SLC44A1: variants seen among roughly 807,000 people sequenced by gnomAD.
SLC44A1 encodes the protein solute carrier family 44 member 1, also known as choline transporter-like protein 1.
Under a neutral mutation model 79.3 loss-of-function variants are expected in SLC44A1, and 26 were observed. The observed-to-expected ratio is 0.33, with a 90% confidence interval of 0.24 to 0.46. The LOEUF is 0.46. Ranked by LOEUF, SLC44A1 falls within the 20% of genes least tolerant of loss-of-function variation. SLC44A1 has a pLI of 1.00. For missense variants in SLC44A1, 688 were observed against 798.1 expected (o/e 0.86, Z 1.66); for synonymous variants, 263 against 286.2 (o/e 0.92, Z 0.82).
chr9:105,344,909 T>G (rs1430245385), intron 4 of SLC44A1, among the ~76,000 whole-genome samples: 1 of 152,224 alleles, frequency 6.6e-6, no homozygotes, highest in Non-Finnish European at 1.5e-5. Flanking sequence ...GTAGAAATTC[T>G]GCTCAGACGT....
At chr9:105,434,292 G>A (rs934830431) in intron 15 of SLC44A1, among the ~76,000 whole-genome samples, 1 of 151,952 alleles carries the variant, frequency 6.6e-6, no homozygotes, top group South Asian at 2.1e-4. Flanking sequence ...AGTGAGCCGA[G>A]ACTGCACCAC....
chr9:105,300,454 C>T (rs1830848795), intron 2 of SLC44A1, among the ~76,000 whole-genome samples: 1 of 152,110 alleles, frequency 6.6e-6, no homozygotes, highest in South Asian at 2.1e-4. Context: ...TCTGACTGCC[C>T]ACCAGGCCAG....
chr9:105,402,975 CTTTTTTT>C (rs780060821), intron 15 of SLC44A1, among the ~76,000 whole-genome samples: 19 of 66,378 alleles, frequency 2.9e-4, no homozygotes, highest in Admixed American at 4.0e-4. Flanking sequence ...TCACACCCAG[CTTTTTTT>C]TTTTTTTTTT....
chr9:105,251,717 C>A (rs1261604475), intron 1 of SLC44A1, among the ~76,000 whole-genome samples: 2 of 152,104 alleles, frequency 1.3e-5, no homozygotes, highest in Admixed American at 1.3e-4. Flanking sequence ...ATATGTGGTT[C>A]ACTTGTCTAG....
At chr9:105,282,960 A>G (rs1358504577) in intron 1 of SLC44A1, among the ~76,000 whole-genome samples, 2 of 152,198 alleles carry the variant, frequency 1.3e-5, no homozygotes, top group Admixed American at 1.3e-4. Context: ...GGTCATACTT[A>G]GGGGTAGCTG....
rs569628009 is a variant in SLC44A1 at position 105,433,515 on chromosome 9, A to C, written c.1951-4766A>C. 1.6e-3 allele frequency among the ~76,000 whole-genome samples: 249 copies of C among 152,246 alleles called. 2 individuals carry two copies. Among genetic ancestry groups the C allele is most frequent in the African/African-American group, 5.8e-3 (240 of 41,548 alleles). ...GCAGACAGAAAGGTATTCTCTGAAG[A>C]AGTTAAGACAGATCTTAAGGGAGGA... On this transcript the variant is annotated intron_variant, in intron 15 of 15. Coordinates refer to the SLC44A1 transcript ENST00000374724.
intron 5 of SLC44A1, among the ~76,000 whole-genome samples, chr9:105,353,655 A>G (rs967169987): frequency 1.3e-5 from 2 of 152,222 alleles, no homozygotes; most frequent in African/African-American, 4.8e-5. Context: ...CCTAGCAGGA[A>G]AAAGAAAACA....
intron 5 of SLC44A1, among the ~76,000 whole-genome samples, chr9:105,350,709 A>C (rs1357551137): frequency 6.6e-6 from 1 of 152,198 alleles, no homozygotes; most frequent in Non-Finnish European, 1.5e-5. Flanking sequence ...TCATGTGTGA[A>C]GTGGGAATAG....
chr9:105,293,298 T>C (rs556514902), intron 1 of SLC44A1, among the ~76,000 whole-genome samples: 1 of 152,356 alleles, frequency 6.6e-6, no homozygotes. Context: ...TTGTATTACT[T>C]ATAAGAATTT....
At chr9:105,252,776 G>T (rs538428103) in intron 1 of SLC44A1, among the ~76,000 whole-genome samples, 1 of 152,350 alleles carries the variant, frequency 6.6e-6, no homozygotes, top group Non-Finnish European at 1.5e-5. Flanking sequence ...ACTCTGTGAA[G>T]ATGGTTAAAG....
Position 105,393,798 on chromosome 9 carries a change from C to G in SLC44A1, c.*4742C>G, listed in dbSNP as rs1327187056. The G allele has an allele frequency of 3.1e-5, 31 of 984,948 alleles. No individual in the cohort carries two copies. The highest frequency in any genetic ancestry group is 3.5e-5 in the African/African-American group (2 of 57,196). The allele number at this position is 984,948 out of a possible 1,614,324, so 61.0% of individuals were successfully genotyped here. ...GTGAGATTGTTCGAGACCTATTAGG[C>G]TATTCTTCAGTTTTGATGCTCAGTT... On this transcript the variant is annotated 3_prime_UTR_variant, in exon 16 of 16. Transcript: ENST00000374720.
intron 2 of SLC44A1, chr9:105,299,693 A>G: frequency 1.5e-6 from 1 of 673,574 alleles, no homozygotes; most frequent in Non-Finnish European, 1.8e-6. Context: ...AGTTCTTCCT[A>G]GATGGGAGGC....
At chr9:105,403,120 C>T (rs34350840) in intron 15 of SLC44A1, among the ~76,000 whole-genome samples, 9,219 of 151,476 alleles carry the variant, frequency 0.061, 548 homozygotes, top group African/African-American at 0.16. Context: ...ATGCCCAGCC[C>T]GAAAAGATTA....
chr9:105,377,987 C>T (rs1217610629), intron 13 of SLC44A1, among the ~76,000 whole-genome samples: 1 of 152,154 alleles, frequency 6.6e-6, no homozygotes, highest in Non-Finnish European at 1.5e-5. Context: ...GTGGCTCACG[C>T]CCATAATCCC....
At chr9:105,262,761 C>T (rs1223255020) in intron 1 of SLC44A1, among the ~76,000 whole-genome samples, 4 of 152,168 alleles carry the variant, frequency 2.6e-5, no homozygotes, top group Non-Finnish European at 1.5e-5. Context: ...TTCAGGGACA[C>T]CCAAGTATTC....
chr9:105,418,314 C>CAAAAAAAAAAAAA (rs10617928), intron 15 of SLC44A1, among the ~76,000 whole-genome samples: 3 of 57,946 alleles, frequency 5.2e-5, no homozygotes, highest in Non-Finnish European at 8.0e-5. Context: ...AACTCCGTCT[C>CAAAAAAAAAAAAA]AAAAAAAAAA....
chr9:105,318,846 G>A (rs1010642284), intron 3 of SLC44A1, among the ~76,000 whole-genome samples: 4 of 152,002 alleles, frequency 2.6e-5, no homozygotes, highest in African/African-American at 7.3e-5. Context: ...CGGCAAGGAA[G>A]GGATGATTGG....
chr9:105,258,933 G>A (rs1829777347), intron 1 of SLC44A1, among the ~76,000 whole-genome samples: 1 of 151,256 alleles, frequency 6.6e-6, no homozygotes, highest in African/African-American at 2.4e-5. Flanking sequence ...TCAAATTCCT[G>A]ACCTCAGGTG....
At chr9:105,366,518 T>TA in intron 12 of SLC44A1, 89 bp downstream of exon 12, 1 of 577,280 alleles carries the variant, frequency 1.7e-6, no homozygotes, top group South Asian at 3.2e-5. Context: ...TGAAAGATGT[T>TA]ATGTTTTTCT....
Sources: gnomAD v4.1 joint callset for allele counts (sites outside exome capture counted in the v4.1 genomes callset) on GRCh38, gnomAD v4.1.1 for gene constraint, MANE v1.5 for transcripts, NCBI Gene and HGNC (gene_info 2026-07-23, HGNC 2026-07-21) for gene names.